PTPRG: variants seen among roughly 807,000 people sequenced by gnomAD.
The protein encoded by PTPRG is receptor-type tyrosine-protein phosphatase gamma.
A neutral mutation model predicts 165.3 loss-of-function variants in PTPRG; 102 were observed. That is an observed-to-expected ratio of 0.62 (90% CI 0.53 to 0.73). The LOEUF is 0.73. Among genes scored for constraint, PTPRG ranks in the 30% least tolerant of loss-of-function variants. PTPRG has a pLI of 0.00. For missense variants in PTPRG, 1,866 were observed against 1,861.4 expected (o/e 1.00, Z -0.05); for synonymous variants, 675 against 669.5 (o/e 1.01, Z -0.13).
At chr3:61,775,345 A>G (rs1559605057) in intron 2 of PTPRG, among the ~76,000 whole-genome samples, 3 of 152,144 alleles carry the variant, frequency 2.0e-5, no homozygotes, top group Admixed American at 2.0e-4. Flanking sequence ...TGCTGGGATT[A>G]TAGGCATGAG....
In PTPRG at chr3:61,600,192, ATGTG is replaced by A. The variant is rs1258297289; in HGVS notation, c.85+37842_85+37845del. Among the ~76,000 whole-genome samples the A allele has an allele frequency of 5.6e-5, 6 of 106,636 alleles. No homozygotes were observed. In the East Asian group the frequency reaches 1.2e-3, roughly 20 times the overall value. The allele number at this position is 106,636 out of a possible 152,430, so 70.0% of individuals were successfully genotyped here. On this transcript the variant is annotated intron_variant, in intron 1 of 29. Coordinates refer to ENST00000474889, the MANE Select transcript of PTPRG (RefSeq NM_002841.4). ...AAAAAAAATATATATATATATATAT[ATGTG>A]TGTGTGTGTGTGTGTGTGTGTAAAA...
At chr3:61,732,732 A>G (rs1309463983) in intron 1 of PTPRG, among the ~76,000 whole-genome samples, 1 of 115,808 alleles carries the variant, frequency 8.6e-6, no homozygotes, top group Non-Finnish European at 1.7e-5. Flanking sequence ...AAATAAATAA[A>G]TAAATAAATA....
intron 2 of PTPRG, among the ~76,000 whole-genome samples, chr3:61,975,775 A>G (rs1280644529): frequency 6.6e-6 from 1 of 152,146 alleles, no homozygotes; most frequent in Non-Finnish European, 1.5e-5. Flanking sequence ...TTTAGCCCCT[A>G]AAATTATAAT....
chr3:61,893,624 A>G (rs1171118700), intron 2 of PTPRG, among the ~76,000 whole-genome samples: 1 of 152,098 alleles, frequency 6.6e-6, no homozygotes, highest in Non-Finnish European at 1.5e-5. Context: ...TCTTTCATCT[A>G]ATGAGGTATG....
At chr3:61,914,726 T>A (rs931556795) in intron 2 of PTPRG, among the ~76,000 whole-genome samples, 9 of 152,202 alleles carry the variant, frequency 5.9e-5, no homozygotes, top group African/African-American at 2.2e-4. Flanking sequence ...TATCGAGGTA[T>A]AATTACCTCA....
At chr3:62,117,041 C>A (rs1702892096) in intron 5 of PTPRG, among the ~76,000 whole-genome samples, 1 of 152,184 alleles carries the variant, frequency 6.6e-6, no homozygotes, top group African/African-American at 2.4e-5. Context: ...CACTAGAGAG[C>A]TCTTCAGGGT....
chr3:61,689,862 C>T (rs1187269159), intron 1 of PTPRG, among the ~76,000 whole-genome samples: 2 of 152,146 alleles, frequency 1.3e-5, no homozygotes, highest in Non-Finnish European at 2.9e-5. Flanking sequence ...GAAGTTTTAA[C>T]CTGATTCCAT....
chr3:61,567,496 A>C (rs57389969), intron 1 of PTPRG, among the ~76,000 whole-genome samples: 2,197 of 151,642 alleles, frequency 0.014, 64 homozygotes, highest in African/African-American at 0.05. Flanking sequence ...ACATAGGGAG[A>C]CCCTGCCTCT....
chr3:61,672,491 G>A (rs1703041744), intron 1 of PTPRG, among the ~76,000 whole-genome samples: 2 of 147,938 alleles, frequency 1.4e-5, no homozygotes, highest in African/African-American at 5.0e-5. Context: ...GCCGAGGCTG[G>A]CGGATCACTC....
intron 8 of PTPRG, among the ~76,000 whole-genome samples, chr3:62,186,567 CTTTTT>C (rs35133425): frequency 8.5e-6 from 1 of 117,540 alleles, no homozygotes. Flanking sequence ...TTTTCTTTTC[CTTTTT>C]TTTTTTTTTT....
At chr3:62,281,751 C>A in intron 27 of PTPRG, 42 bp downstream of exon 27, 1 of 1,536,182 alleles carries the variant, frequency 6.5e-7, no homozygotes, top group East Asian at 2.4e-5. Context: ...CATACCTGGG[C>A]CCTGGATCAT....
chr3:61,995,114 A>C (rs1292984264), intron 3 of PTPRG, among the ~76,000 whole-genome samples: 4 of 104,272 alleles, frequency 3.8e-5, no homozygotes, highest in African/African-American at 1.6e-4. Flanking sequence ...TTTGAGACAG[A>C]GTCTTGCTAT....
intron 1 of PTPRG, among the ~76,000 whole-genome samples, chr3:61,629,741 G>T (rs559855535): frequency 3.3e-5 from 5 of 152,300 alleles, no homozygotes; most frequent in African/African-American, 2.4e-5. Flanking sequence ...AAGGGTAAAA[G>T]TTTACTGTAG....
chr3:62,285,772 T>A (rs540717543), intron 28 of PTPRG, among the ~76,000 whole-genome samples: 1 of 152,268 alleles, frequency 6.6e-6, no homozygotes, highest in African/African-American at 2.4e-5. Context: ...AACATAGGCA[T>A]GGTTCTCATA....
At chr3:62,178,175 A>G (rs1198441098) in intron 8 of PTPRG, among the ~76,000 whole-genome samples, 3 of 151,652 alleles carry the variant, frequency 2.0e-5, no homozygotes, top group Non-Finnish European at 4.4e-5. Flanking sequence ...GGATGGATGG[A>G]TGGATGGATG....
chr3:61,749,338 G>A (rs1308211931), intron 2 of PTPRG: 2 of 367,734 alleles, frequency 5.4e-6, no homozygotes, highest in African/African-American at 4.3e-5. Flanking sequence ...CTAGTCTTGA[G>A]CTGCTAAATG....
At chr3:62,067,291 G>A (rs1343289180) in intron 4 of PTPRG, among the ~76,000 whole-genome samples, 2 of 149,536 alleles carry the variant, frequency 1.3e-5, no homozygotes, top group African/African-American at 4.9e-5. Context: ...CCTCCAAAGC[G>A]TGAGTAGGCA....
At chr3:61,708,385 A>T (rs1050710227) in intron 1 of PTPRG, among the ~76,000 whole-genome samples, 1 of 145,326 alleles carries the variant, frequency 6.9e-6, no homozygotes, top group Admixed American at 6.9e-5. Context: ...CAACTGGGGG[A>T]TCATTAGCTC....
At chr3:61,786,822 A>C (rs1192882708) in intron 2 of PTPRG, among the ~76,000 whole-genome samples, 1 of 152,208 alleles carries the variant, frequency 6.6e-6, no homozygotes, top group Non-Finnish European at 1.5e-5. Flanking sequence ...GAGGAAAATT[A>C]GCATTGTGTC....
Sources: gnomAD v4.1 joint callset for allele counts (sites outside exome capture counted in the v4.1 genomes callset) on GRCh38, gnomAD v4.1.1 for gene constraint, MANE v1.5 for transcripts, NCBI Gene and HGNC (gene_info 2026-07-23, HGNC 2026-07-21) for gene names.